Variants in AOAH observed in about 807,000 individuals in gnomAD.
The protein encoded by AOAH is acyloxyacyl hydrolase.
AOAH carries 64 observed loss-of-function variants against 92.2 expected under a neutral mutation model. The ratio of observed to expected loss-of-function variants is 0.69; its 90% confidence interval spans 0.57 to 0.86. AOAH has a LOEUF of 0.86. AOAH is among the 40% of genes least tolerant of loss of function. The pLI, the probability that AOAH is intolerant of heterozygous loss-of-function variation, is 0.00. For synonymous variants in AOAH, 263 were observed against 254.5 expected (o/e 1.03, Z -0.32); for missense variants, 656 against 694.6 (o/e 0.94, Z 0.62).
At chr7:36,561,944 A>AT (rs890199076) in intron 13 of AOAH, among the ~76,000 whole-genome samples, 4 of 152,144 alleles carry the variant, frequency 2.6e-5, no homozygotes, top group Non-Finnish European at 5.9e-5. Context: ...GCTGTGAAAA[A>AT]TTTTTGAAAA....
At chr7:36,596,173 C>CGCA (rs57178014) in intron 11 of AOAH, among the ~76,000 whole-genome samples, 2 of 146,708 alleles carry the variant, frequency 1.4e-5, no homozygotes, top group South Asian at 2.1e-4. Context: ...GCCCCCCCAC[C>CGCA]CCCCGTCACC....
intron 13 of AOAH, among the ~76,000 whole-genome samples, chr7:36,569,039 A>G (rs1267270248): frequency 6.6e-6 from 1 of 151,832 alleles, no homozygotes; most frequent in East Asian, 1.9e-4. Flanking sequence ...TAAAATTCTC[A>G]ATTATTTTTT....
At chr7:36,654,091 AGCCAGTCACGTGCAT>A (rs1201250525) in intron 4 of AOAH, among the ~76,000 whole-genome samples, 3 of 123,656 alleles carry the variant, frequency 2.4e-5, no homozygotes, top group Non-Finnish European at 3.7e-5. Flanking sequence ...CTCAAGGGAG[AGCCAGTCACGTGCAT>A]GCATCCCTGT....
intron 4 of AOAH, among the ~76,000 whole-genome samples, chr7:36,649,411 G>A (rs918610650): frequency 6.6e-6 from 1 of 152,118 alleles, no homozygotes; most frequent in Non-Finnish European, 1.5e-5. Flanking sequence ...GGATTTCCTA[G>A]GCCAACTAAG....
chr7:36,551,360 C>T (rs1039563598), intron 13 of AOAH, among the ~76,000 whole-genome samples: 1 of 152,142 alleles, frequency 6.6e-6, no homozygotes, highest in Non-Finnish European at 1.5e-5. Context: ...GTGTGAGCCA[C>T]CGCATCTGGC....
intron 4 of AOAH, among the ~76,000 whole-genome samples, chr7:36,652,534 G>GGGGT (rs1794640234): frequency 6.6e-6 from 1 of 152,142 alleles, no homozygotes; most frequent in South Asian, 2.1e-4. Context: ...ACTGAGTAAA[G>GGGGT]GAAAAGGGGG....
At chr7:36,513,504 T>A in intron 20 of AOAH, 124 bp from the exon 21 acceptor site, 1 of 892,478 alleles carries the variant, frequency 1.1e-6, no homozygotes, top group Non-Finnish European at 1.7e-6. Context: ...CCCACCCCCA[T>A]GTCTCTGTAT....
chr7:36,651,973 C>A (rs879281568), intron 4 of AOAH, among the ~76,000 whole-genome samples: 5 of 152,080 alleles, frequency 3.3e-5, no homozygotes, highest in African/African-American at 1.2e-4. Context: ...TTACTTAGCA[C>A]TCCACAAAGA....
intron 6 of AOAH, among the ~76,000 whole-genome samples, chr7:36,630,061 G>A (rs184676830): frequency 8.5e-5 from 13 of 152,342 alleles, no homozygotes; most frequent in Admixed American, 2.6e-4. Flanking sequence ...AGAGACTGGA[G>A]CGATGCAGCT....
chr7:36,571,084 T>C (rs931230864), intron 13 of AOAH, among the ~76,000 whole-genome samples: 1 of 152,106 alleles, frequency 6.6e-6, no homozygotes, highest in Non-Finnish European at 1.5e-5. Context: ...CTGCTGGGCA[T>C]AGGGGCATGA....
intron 20 of AOAH, among the ~76,000 whole-genome samples, chr7:36,517,213 T>TCTTTCTTC: frequency 2.6e-5 from 1 of 38,578 alleles, no homozygotes; most frequent in African/African-American, 6.7e-5. Context: ...TTTCTTTCTT[T>TCTTTCTTC]CTCTTTCTTT....
chr7:36,517,943 ACC>A (rs1491523258), intron 20 of AOAH, among the ~76,000 whole-genome samples: 529 of 33,030 alleles, frequency 0.016, 1 homozygote, highest in African/African-American at 0.14. Flanking sequence ...ACACACACAC[ACC>A]CACACACACA....
chr7:36,646,145 A>G (rs547463465), intron 4 of AOAH, among the ~76,000 whole-genome samples: 13 of 152,332 alleles, frequency 8.5e-5, no homozygotes, highest in African/African-American at 3.1e-4. Context: ...TCTATGCTTC[A>G]AGTTCTATAC....
At chr7:36,565,854 T>C (rs1487333608) in intron 13 of AOAH, among the ~76,000 whole-genome samples, 1 of 152,172 alleles carries the variant, frequency 6.6e-6, no homozygotes, top group African/African-American at 2.4e-5. Context: ...TGTGAACATC[T>C]TCAATAATTA....
At chr7:36,621,266 T>A (rs1026890032) in intron 8 of AOAH, among the ~76,000 whole-genome samples, 1 of 152,228 alleles carries the variant, frequency 6.6e-6, no homozygotes, top group Non-Finnish European at 1.5e-5. Context: ...CAATTGAACC[T>A]CAGCCCAGGG....
At chr7:36,578,000 A>G (rs573727194) in intron 12 of AOAH, among the ~76,000 whole-genome samples, 85 of 152,332 alleles carry the variant, frequency 5.6e-4, no homozygotes, top group Admixed American at 2.0e-3. Flanking sequence ...CAGGATGCAT[A>G]GAAAATAGTA....
At chr7:36,659,339 A>G in intron 3 of AOAH, 74 bp from the exon 4 acceptor site, 3 of 1,257,008 alleles carry the variant, frequency 2.4e-6, no homozygotes, top group South Asian at 2.4e-5. Flanking sequence ...ACTGCAAAGA[A>G]AGGTAAATCC....
rs553599964 is a variant in AOAH at position 36,722,827 on chromosome 7, C to T, written c.127+1195G>A. Among the ~76,000 whole-genome samples, 6 of 148,594 alleles carry T rather than the reference C, an allele frequency of 4.0e-5. No homozygotes were observed. The South Asian group carries it at 6.5e-4, about 16-fold the overall frequency. On this transcript the variant is annotated intron_variant, in intron 1 of 20. Transcript: ENST00000617537. ...TGTGCATCTGTAATCCCAGCTACTC[C>T]GAAGGCTGAGGCAGGAGAATTGTGT...
chr7:36,535,466 C>T lies in AOAH; in HGVS notation c.1307-3122G>A, dbSNP rs147170581. Among the ~76,000 whole-genome samples the T allele has an allele frequency of 3.9e-5, 6 of 152,192 alleles. No homozygotes were observed. The East Asian group carries it at 5.8e-4, about 15-fold the overall frequency. ...CATTCATTCAGACGGAGGGAAAGTG[C>T]GTGATAAAATAGAAACACCAAGGTA... is the stretch of plus-strand genomic sequence containing the variant. On this transcript the variant is annotated intron_variant, in intron 16 of 20. Coordinates refer to ENST00000617537, the MANE Select transcript of AOAH (RefSeq NM_001637.4).
Sources: allele counts gnomAD v4.1 joint callset (sites outside exome capture counted in the v4.1 genomes callset), GRCh38; gene constraint gnomAD v4.1.1; transcripts MANE v1.5; gene names NCBI Gene and HGNC (gene_info 2026-07-23, HGNC 2026-07-21).